Variants in ARHGAP32 observed in about 807,000 individuals in gnomAD.
ARHGAP32 encodes the protein rho GTPase-activating protein 32.
ARHGAP32 carries 51 observed loss-of-function variants against 186.5 expected under a neutral mutation model. That is an observed-to-expected ratio of 0.27 (90% CI 0.22 to 0.35). The LOEUF is 0.35. Among genes scored for constraint, ARHGAP32 ranks in the 10% least tolerant of loss-of-function variants. The probability of loss-of-function intolerance (pLI) is 1.00; values close to 1 mark genes in which losing one functional copy is unlikely to be tolerated. For synonymous variants in ARHGAP32, 950 were observed against 964.3 expected, an observed-to-expected ratio of 0.99 and a Z score of 0.27; for missense variants, 2,186 against 2,623.5, an observed-to-expected ratio of 0.83 and a Z score of 3.64.
intron 12 of ARHGAP32, among the ~76,000 whole-genome samples, chr11:128,996,345 T>C (rs1026534030): frequency 1.3e-5 from 2 of 152,206 alleles, no homozygotes; most frequent in African/African-American, 4.8e-5. Context: ...TACACTGTAA[T>C]AGCAGCATTT....
At chr11:129,013,920 C>T (rs1301095617) in intron 11 of ARHGAP32, among the ~76,000 whole-genome samples, 1 of 152,106 alleles carries the variant, frequency 6.6e-6, no homozygotes, top group Non-Finnish European at 1.5e-5. Context: ...TGATTAAGTG[C>T]TTACAAACCC....
intron 10 of ARHGAP32, among the ~76,000 whole-genome samples, chr11:129,042,869 G>C (rs1939651796): frequency 6.6e-6 from 1 of 152,172 alleles, no homozygotes; most frequent in East Asian, 1.9e-4. Flanking sequence ...AGGACTTGGG[G>C]GGATGAAGAA....
intron 1 of ARHGAP32, among the ~76,000 whole-genome samples, chr11:129,180,842 C>G (rs1258777498): frequency 1.3e-5 from 2 of 152,112 alleles, no homozygotes; most frequent in Non-Finnish European, 2.9e-5. Flanking sequence ...AAAACTACTT[C>G]CCCCAAATTG....
chr11:129,138,314 AAG>A (rs199520732), intron 2 of ARHGAP32, among the ~76,000 whole-genome samples: 31,182 of 83,928 alleles, frequency 0.37, 3,773 homozygotes, highest in African/African-American at 0.45. Context: ...AAAAAAAAAA[AAG>A]AACAATGCCG....
chr11:129,278,938 T>C (rs1591394843), intron 1 of ARHGAP32, among the ~76,000 whole-genome samples: 1 of 136,422 alleles, frequency 7.3e-6, no homozygotes, highest in Admixed American at 7.1e-5. Context: ...CGGGAGGCGG[T>C]GGGCCCGCAG....
intron 11 of ARHGAP32, among the ~76,000 whole-genome samples, chr11:129,029,310 G>C (rs886572981): frequency 1.3e-5 from 2 of 152,150 alleles, no homozygotes; most frequent in African/African-American, 4.8e-5. Flanking sequence ...GTTCTATAGT[G>C]GGCAGAATTC....
chr11:129,048,155 T>A (rs939116312), intron 10 of ARHGAP32, among the ~76,000 whole-genome samples: 1 of 152,080 alleles, frequency 6.6e-6, no homozygotes, highest in Non-Finnish European at 1.5e-5. Context: ...TCCCCTTGAA[T>A]GTCAACTCCC....
intron 5 of ARHGAP32, among the ~76,000 whole-genome samples, chr11:129,096,923 T>C (rs1188878044): frequency 2.0e-5 from 3 of 152,154 alleles, no homozygotes; most frequent in Non-Finnish European, 4.4e-5. Flanking sequence ...CTGCACACTC[T>C]CAGAGAAAGG....
intron 2 of ARHGAP32, among the ~76,000 whole-genome samples, chr11:129,131,078 G>GA (rs796910533): frequency 6.7e-6 from 1 of 148,280 alleles, no homozygotes; most frequent in Non-Finnish European, 1.5e-5. Context: ...GAAGACAGAA[G>GA]AAAAAAATCT....
rs1043767325 is a variant in ARHGAP32, at chr11:129,009,804, C to T, written c.1046-11336G>A. 4.6e-5 allele frequency among the ~76,000 whole-genome samples: 7 copies of T among 151,944 alleles called. No individual in the cohort carries two copies. The East Asian group carries it at 5.8e-4, about 13-fold the overall frequency. On this transcript the variant is annotated intron_variant, in intron 11 of 22. Transcript: ENST00000682385. ...CAGTGCTGCAGTGAACGTACGGGTG[C>T]GTGTATCTTTAAAACAGAATGATTT... is the stretch of plus-strand genomic sequence containing the variant.
chr11:129,044,123 T>C (rs1405266786), intron 10 of ARHGAP32, among the ~76,000 whole-genome samples: 1 of 152,188 alleles, frequency 6.6e-6, no homozygotes, highest in African/African-American at 2.4e-5. Flanking sequence ...GGGTTCAATC[T>C]TAAGTCTGCC....
chr11:129,245,864 T>G (rs571523585), intron 1 of ARHGAP32, among the ~76,000 whole-genome samples: 1 of 152,200 alleles, frequency 6.6e-6, no homozygotes, highest in African/African-American at 2.4e-5. Flanking sequence ...TTGTTGCTAG[T>G]GTTATAAACA....
At chr11:129,232,931 G>T (rs1301901901) in intron 1 of ARHGAP32, among the ~76,000 whole-genome samples, 1 of 152,128 alleles carries the variant, frequency 6.6e-6, no homozygotes, top group African/African-American at 2.4e-5. Flanking sequence ...GGCCTGCATA[G>T]ATCTCTTCCA....
rs920791071 is a variant in ARHGAP32, at chr11:129,202,729, A to G, written c.-4-38302T>C. Among the ~76,000 whole-genome samples the G allele has an allele frequency of 7.2e-5, 11 of 152,260 alleles. No homozygotes were observed. In the South Asian group the frequency reaches 2.1e-3, roughly 29 times the overall value. ...TTAATAAAAAGATACAATAACCACAATATCTACAAGTACAAGGATTGCACC... is the reference window on the plus strand; with the variant it reads ...TTAATAAAAAGATACAATAACCACAGTATCTACAAGTACAAGGATTGCACC... On this transcript the variant is annotated intron_variant, in intron 1 of 6. Transcript: ENST00000525234.
At chr11:129,272,952 T>A (rs1945489865) in intron 1 of ARHGAP32, among the ~76,000 whole-genome samples, 1 of 152,228 alleles carries the variant, frequency 6.6e-6, no homozygotes, top group African/African-American at 2.4e-5. Flanking sequence ...TGGCTTTAAT[T>A]GAGCAGTTCT....
chr11:129,010,903 A>AT (rs1477531839), intron 11 of ARHGAP32, among the ~76,000 whole-genome samples: 4 of 152,374 alleles, frequency 2.6e-5, no homozygotes, highest in Admixed American at 6.5e-5. Flanking sequence ...TGGTAACTGC[A>AT]TATGATGTAT....
chr11:129,159,366 G>C (rs1943481101), intron 2 of ARHGAP32, among the ~76,000 whole-genome samples: 1 of 151,998 alleles, frequency 6.6e-6, no homozygotes, highest in South Asian at 2.1e-4. Context: ...AATGATGAAG[G>C]GGATATTAGC....
At chr11:129,111,397 T>C (rs551760643) in intron 5 of ARHGAP32, among the ~76,000 whole-genome samples, 7 of 152,304 alleles carry the variant, frequency 4.6e-5, no homozygotes, top group Non-Finnish European at 1.0e-4. Flanking sequence ...TTTGGTGTTA[T>C]GCTAATGCTG....
chr11:129,007,396 G>T (rs563006852), intron 11 of ARHGAP32, among the ~76,000 whole-genome samples: 30 of 152,088 alleles, frequency 2.0e-4, no homozygotes, highest in African/African-American at 7.2e-4. Flanking sequence ...TATCACTGCT[G>T]GTTATTCAGG....
Sources: gnomAD v4.1 joint callset for allele counts (sites outside exome capture counted in the v4.1 genomes callset) on GRCh38, gnomAD v4.1.1 for gene constraint, MANE v1.5 for transcripts, NCBI Gene and HGNC (gene_info 2026-07-23, HGNC 2026-07-21) for gene names.